CFAP299: variants seen among roughly 807,000 people sequenced by gnomAD.
CFAP299 encodes cilia- and flagella-associated protein 299.
Under a neutral mutation model 27.0 loss-of-function variants are expected in CFAP299, and 21 were observed. That is an observed-to-expected ratio of 0.78 (90% CI 0.55 to 1.12). The LOEUF is 1.12. Ranked by LOEUF, CFAP299 falls within the 50% of genes most tolerant of loss-of-function variation. CFAP299 has a pLI of 0.00. For missense variants in CFAP299, 310 were observed against 276.6 expected, an observed-to-expected ratio of 1.12 and a Z score of -0.86; for synonymous variants, 104 against 98.1, an observed-to-expected ratio of 1.06 and a Z score of -0.36.
In CFAP299 at chr4:80,652,427, G is replaced by A. The variant is rs115492707; in HGVS notation, c.333+69244G>A. Among the ~76,000 whole-genome samples, 916 of 152,116 alleles carry A rather than the reference G, an allele frequency of 6.0e-3. 5 individuals carry two copies. The highest frequency in any genetic ancestry group is 0.022 in the African/African-American group (895 of 41,492). ...AGTTACCTCTGGGAAAGAGAGAAGC[G>A]GGTGTAATCAGGGAGTGTAAATAGG... is the stretch of plus-strand genomic sequence containing the variant. On this transcript the variant is annotated intron_variant, in intron 3 of 5. Transcript: ENST00000358105.
intron 2 of CFAP299, among the ~76,000 whole-genome samples, chr4:80,577,345 T>G (rs1237625522): frequency 1.3e-5 from 2 of 151,944 alleles, no homozygotes; most frequent in Non-Finnish European, 2.9e-5. Context: ...TTAGAATACA[T>G]TTAATCCCAG....
Position 80,418,905 on chromosome 4 carries a change from C to T in CFAP299, c.242+56021C>T, listed in dbSNP as rs147221889. 6.4e-4 allele frequency among the ~76,000 whole-genome samples: 98 copies of T among 152,272 alleles called. 1 individual carries two copies. The highest frequency in any genetic ancestry group is 2.2e-3 in the African/African-American group (93 of 41,536). On this transcript the variant is annotated intron_variant, in intron 2 of 5. Transcript: ENST00000358105. ...TCATTCATTCATCCCTTCATGGACA[C>T]CTAGGTTGATTCTATAACTTGGCCA...
intron 4 of CFAP299, among the ~76,000 whole-genome samples, chr4:80,892,671 A>G (rs1734367578): frequency 6.6e-6 from 1 of 152,194 alleles, no homozygotes; most frequent in Non-Finnish European, 1.5e-5. Context: ...TTTAATAAAA[A>G]TCAATATATT....
At chr4:80,772,660 A>G (rs1015573490) in intron 3 of CFAP299, among the ~76,000 whole-genome samples, 4 of 151,982 alleles carry the variant, frequency 2.6e-5, no homozygotes, top group Admixed American at 6.6e-5. Flanking sequence ...CCCGTCATCT[A>G]GGTCTTAAGC....
At chr4:80,457,871 T>G (rs1729243892) in intron 2 of CFAP299, among the ~76,000 whole-genome samples, 2 of 152,204 alleles carry the variant, frequency 1.3e-5, no homozygotes, top group African/African-American at 4.8e-5. Flanking sequence ...AGCTCACTGT[T>G]GATTTTCTGA....
chr4:80,338,508 A>G lies in CFAP299; in HGVS notation c.111+2629A>G, dbSNP rs568667631. On this transcript the variant is annotated intron_variant, in intron 1 of 5. Coordinates refer to ENST00000358105, the MANE Select transcript of CFAP299 (RefSeq NM_152770.3). ...ACTCTGCAATATTGTGTTTTTAATCAACTTGAAATTCCATTTTTTACCTAC... is the reference window on the plus strand; with the variant it reads ...ACTCTGCAATATTGTGTTTTTAATCGACTTGAAATTCCATTTTTTACCTAC... Among the ~76,000 whole-genome samples the G allele has an allele frequency of 1.4e-4, 21 of 152,282 alleles. 1 individual carries two copies. Among genetic ancestry groups the G allele is most frequent in the African/African-American group, 4.3e-4 (18 of 41,552 alleles).
At chr4:80,708,540 C>T (rs943959346) in intron 3 of CFAP299, among the ~76,000 whole-genome samples, 12 of 152,004 alleles carry the variant, frequency 7.9e-5, no homozygotes, top group African/African-American at 1.4e-4. Context: ...TGGCATTTTT[C>T]TTAGAAGGTA....
At chr4:80,772,381 C>T (rs893261169) in intron 3 of CFAP299, among the ~76,000 whole-genome samples, 1 of 152,062 alleles carries the variant, frequency 6.6e-6, no homozygotes, top group African/African-American at 2.4e-5. Context: ...GACACAGGAA[C>T]ATAACTGCAT....
chr4:80,365,351 T>C (rs1723775389), intron 2 of CFAP299, among the ~76,000 whole-genome samples: 1 of 152,228 alleles, frequency 6.6e-6, no homozygotes, highest in African/African-American at 2.4e-5. Context: ...ATCAGTGACG[T>C]TGAGCTTTTT....
chr4:80,940,658 T>C (rs1403571944), intron 4 of CFAP299, among the ~76,000 whole-genome samples: 2 of 152,184 alleles, frequency 1.3e-5, no homozygotes, highest in Non-Finnish European at 2.9e-5. Context: ...CCTCTGGCCT[T>C]TTTACTTTTC....
intron 4 of CFAP299, among the ~76,000 whole-genome samples, chr4:80,931,080 TA>T (rs1179323230): frequency 6.6e-6 from 1 of 152,066 alleles, no homozygotes; most frequent in Non-Finnish European, 1.5e-5. Flanking sequence ...CCCAAATACC[TA>T]AAAGTGTTCC....
the CFAP299 span, among the ~76,000 whole-genome samples, chr4:80,329,188 C>T: frequency 7.4e-6 from 1 of 134,900 alleles, no homozygotes; most frequent in African/African-American, 2.9e-5. Flanking sequence ...AGATTGGATA[C>T]CCCAGCAGTA....
chr4:80,699,239 ACT>A (rs1419108646), intron 3 of CFAP299, among the ~76,000 whole-genome samples: 2 of 151,924 alleles, frequency 1.3e-5, no homozygotes, highest in African/African-American at 2.4e-5. Context: ...CTTATAAGAA[ACT>A]CTGTTTCAAA....
chr4:80,411,894 A>G (rs138907580), intron 2 of CFAP299, among the ~76,000 whole-genome samples: 121 of 152,292 alleles, frequency 7.9e-4, no homozygotes, highest in Non-Finnish European at 1.3e-3. Context: ...ATTCACTCTC[A>G]GTGCCCACAG....
At chr4:80,914,584 T>C (rs1735653150) in intron 4 of CFAP299, among the ~76,000 whole-genome samples, 1 of 152,200 alleles carries the variant, frequency 6.6e-6, no homozygotes, top group Non-Finnish European at 1.5e-5. Flanking sequence ...GAACCACTAA[T>C]GTAGTGCTAC....
intron 4 of CFAP299, among the ~76,000 whole-genome samples, chr4:80,885,777 C>T (rs1459463064): frequency 1.3e-5 from 2 of 152,074 alleles, no homozygotes; most frequent in Admixed American, 1.3e-4. Context: ...AGGGGTGACC[C>T]AACACATTCC....
chr4:80,387,534 C>T, intron 2 of CFAP299: 4 of 886,292 alleles, frequency 4.5e-6, no homozygotes, highest in Non-Finnish European at 7.5e-6. Context: ...GGGGCTGGCC[C>T]AACCCTGTGT....
intron 1 of CFAP299, among the ~76,000 whole-genome samples, chr4:80,340,986 G>T (rs2867710): frequency 0.84 from 127,105 of 151,958 alleles, 53,310 homozygotes; most frequent in African/African-American, 0.9. Context: ...GTGTTGGTCA[G>T]GCTGGTCTTG....
chr4:80,482,730 C>A (rs1038614758), intron 2 of CFAP299, among the ~76,000 whole-genome samples: 4 of 152,152 alleles, frequency 2.6e-5, no homozygotes, highest in African/African-American at 9.7e-5. Context: ...TTATTGTCCC[C>A]ATTTCTTAGA....
Sources: allele counts gnomAD v4.1 joint callset (sites outside exome capture counted in the v4.1 genomes callset), GRCh38; gene constraint gnomAD v4.1.1; transcripts MANE v1.5; gene names NCBI Gene and HGNC (gene_info 2026-07-23, HGNC 2026-07-21).